Variants in DMD observed in about 807,000 individuals in gnomAD.
The protein encoded by DMD is dystrophin.
A neutral mutation model predicts 330.1 loss-of-function variants in DMD; 63 were observed. That is an observed-to-expected ratio of 0.19 (90% CI 0.16 to 0.24). The LOEUF (loss-of-function observed/expected upper bound fraction) is 0.24, where lower values mean the gene tolerates loss of function less well. Among genes scored for constraint, DMD ranks in the 10% least tolerant of loss-of-function variants. The pLI, the probability that DMD is intolerant of heterozygous loss-of-function variation, is 1.00. For missense variants in DMD, 3,344 were observed against 2,684.1 expected, an observed-to-expected ratio of 1.25 and a Z score of -5.43; for synonymous variants, 1,223 against 959.8, an observed-to-expected ratio of 1.27 and a Z score of -5.07.
chrX:31,743,729 C>T (rs2646303), intron 51 of DMD, among the ~76,000 whole-genome samples: 31,607 of 110,896 alleles, frequency 0.29, 3,362 homozygotes, highest in East Asian at 0.45. Flanking sequence ...AACTAACTAT[C>T]GGTTACTATG....
chrX:32,515,972 A>C (rs1341767159), intron 18 of DMD, among the ~76,000 whole-genome samples: 1 of 111,621 alleles, frequency 9.0e-6, no homozygotes. Flanking sequence ...ATTTTTTAAA[A>C]TATGTGAAAT....
chrX:31,677,271 T>C (rs2082135529), intron 53 of DMD, among the ~76,000 whole-genome samples: 1 of 111,531 alleles, frequency 9.0e-6, no homozygotes, highest in Non-Finnish European at 1.9e-5. Context: ...TAACCATTCT[T>C]ACCATCACTT....
intron 15 of DMD, among the ~76,000 whole-genome samples, chrX:32,572,656 C>T (rs1293344225): frequency 9.2e-6 from 1 of 108,861 alleles, no homozygotes; most frequent in Non-Finnish European, 1.9e-5. Context: ...ATTCTCAAAA[C>T]ACTCGAGGTA....
intron 9 of DMD, among the ~76,000 whole-genome samples, chrX:32,692,665 A>C (rs972660801): frequency 1.8e-5 from 2 of 112,198 alleles, no homozygotes; most frequent in African/African-American, 6.5e-5. Flanking sequence ...AGAACAAAAA[A>C]GGATATCCTT....
chrX:32,419,668 T>G (rs994504621), intron 29 of DMD, among the ~76,000 whole-genome samples: 13 of 112,412 alleles, frequency 1.2e-4, no homozygotes, highest in African/African-American at 4.2e-4. Flanking sequence ...GCCGTGAGCA[T>G]GGAGCTCCTA....
intron 2 of DMD, among the ~76,000 whole-genome samples, chrX:32,878,364 T>C (rs2083556274): frequency 9.0e-6 from 1 of 110,545 alleles, no homozygotes; most frequent in Non-Finnish European, 1.9e-5. Flanking sequence ...GGCGACAGAG[T>C]GAGACTACGT....
intron 50 of DMD, among the ~76,000 whole-genome samples, chrX:31,779,767 T>C (rs1273742188): frequency 9.1e-6 from 1 of 110,421 alleles, no homozygotes; most frequent in African/African-American, 3.3e-5. Context: ...GGCATCTGAA[T>C]AGTCTGAGGA....
intron 2 of DMD, among the ~76,000 whole-genome samples, chrX:32,930,086 T>C (rs1183674824): frequency 1.8e-5 from 2 of 111,784 alleles, no homozygotes; most frequent in African/African-American, 6.5e-5. Context: ...TAGCCTAGCC[T>C]ATCTTAAACA....
intron 63 of DMD, among the ~76,000 whole-genome samples, chrX:31,256,099 T>A (rs1239298331): frequency 2.7e-5 from 3 of 110,880 alleles, no homozygotes; most frequent in Non-Finnish European, 5.7e-5. Context: ...ATTTTAAAGA[T>A]AAAGCACCAA....
intron 67 of DMD, among the ~76,000 whole-genome samples, chrX:31,192,210 C>T (rs942080587): frequency 8.9e-6 from 1 of 112,336 alleles, no homozygotes; most frequent in African/African-American, 3.2e-5. Context: ...TTCTTCCAAA[C>T]AATCCCAATT....
chrX:32,448,507 G>A lies in DMD; in HGVS notation c.3735C>T (p.Thr1245=), dbSNP rs751686059. The A allele has an allele frequency of 8.3e-7, 1 of 1,206,902 alleles. No homozygotes were observed. Among genetic ancestry groups the A allele is most frequent in the South Asian group, 1.8e-5 (1 of 56,785 alleles). Residue 1245 remains threonine, a synonymous_variant, in exon 27 of 79, where the codon ACC becomes ACT. Coordinates refer to ENST00000357033, the MANE Select transcript of DMD (RefSeq NM_004006.3). ...ALKKELETLT[T]NYQWLCTRLN... is the part of the protein sequence containing the mutation. ...GCCTAGTGCAGAGCCACTGGTAGTT[G>A]GTGGTTAGAGTTTCAAGTTCCTTTT...
chrX:32,074,727 C>A (rs2096329187), intron 44 of DMD, among the ~76,000 whole-genome samples: 1 of 109,628 alleles, frequency 9.1e-6, no homozygotes, highest in Non-Finnish European at 1.9e-5. Flanking sequence ...AGAAAAAAGG[C>A]TTCTGACTCC....
At chrX:31,729,020 C>T (rs940423283) in intron 52 of DMD, among the ~76,000 whole-genome samples, 2 of 111,596 alleles carry the variant, frequency 1.8e-5, no homozygotes, top group African/African-American at 6.5e-5. Context: ...ACACAACACA[C>T]AATCACTGCG....
At chrX:32,707,166 A>G (rs2064752963) in intron 7 of DMD, among the ~76,000 whole-genome samples, 1 of 112,092 alleles carries the variant, frequency 8.9e-6, no homozygotes, top group Non-Finnish European at 1.9e-5. Context: ...TTATTGAGTT[A>G]CTTTGTGCCA....
At chrX:31,159,330 A>T (rs189896454) in intron 74 of DMD, among the ~76,000 whole-genome samples, 1 of 111,865 alleles carries the variant, frequency 8.9e-6, no homozygotes, top group African/African-American at 3.3e-5. Context: ...CCAGGAAATT[A>T]CAGGAAAAGA....
chrX:33,152,833 C>T (rs1304945788), intron 1 of DMD, among the ~76,000 whole-genome samples: 1 of 111,383 alleles, frequency 9.0e-6, no homozygotes, highest in Non-Finnish European at 1.9e-5. Context: ...CTTTCTTTTC[C>T]TCCAATAGAC....
At chrX:32,431,822 G>A (rs1385547803) in intron 29 of DMD, among the ~76,000 whole-genome samples, 10 of 110,686 alleles carry the variant, frequency 9.0e-5, no homozygotes, top group African/African-American at 2.0e-4. Context: ...CTCACCGTTC[G>A]TTGTATAGGC....
chrX:31,165,764 A>G (rs1463197436), intron 74 of DMD, among the ~76,000 whole-genome samples: 1 of 112,296 alleles, frequency 8.9e-6, no homozygotes, highest in East Asian at 2.8e-4. Flanking sequence ...TGAGGGAGAA[A>G]TATGATGCAG....
chrX:32,731,190 T>C (rs1032703709), intron 7 of DMD, among the ~76,000 whole-genome samples: 1 of 112,206 alleles, frequency 8.9e-6, no homozygotes, highest in African/African-American at 3.2e-5. Flanking sequence ...ACCCGAATAC[T>C]GCGTGTTTCC....
Sources: allele counts gnomAD v4.1 joint callset (sites outside exome capture counted in the v4.1 genomes callset), GRCh38; gene constraint gnomAD v4.1.1; transcripts MANE v1.5; gene names NCBI Gene and HGNC (gene_info 2026-07-23, HGNC 2026-07-21).